The following WAC variants were observed in gnomAD, a reference collection of about 807,000 sequenced individuals.
The protein encoded by WAC is WW domain containing adaptor with coiled-coil.
A neutral mutation model predicts 79.6 loss-of-function variants in WAC; 11 were observed. The observed-to-expected ratio is 0.14, with a 90% CI of 0.09 to 0.23. The LOEUF is 0.23. Ranked by LOEUF, WAC falls within the 10% of genes least tolerant of loss-of-function variation. The pLI, the probability that WAC is intolerant of heterozygous loss-of-function variation, is 1.00. For missense variants in WAC, 728 were observed against 773.5 expected (o/e 0.94, Z 0.70); for synonymous variants, 304 against 276.9 (o/e 1.10, Z -0.97).
intron 3 of WAC, among the ~76,000 whole-genome samples, chr10:28,537,881 A>G (rs1027897360): frequency 6.6e-6 from 1 of 152,144 alleles, no homozygotes; most frequent in Non-Finnish European, 1.5e-5. Context: ...CTTCATTTGC[A>G]AGAAACTTGA....
intron 3 of WAC, among the ~76,000 whole-genome samples, chr10:28,564,218 TTG>T (rs1838471067): frequency 6.6e-6 from 1 of 152,084 alleles, no homozygotes; most frequent in Non-Finnish European, 1.5e-5. Context: ...TGAGCCAAGA[TTG>T]TGCCACTGCA....
intron 3 of WAC, 79 bp from the exon 4 acceptor site, chr10:28,583,320 C>A (rs1839636286): frequency 2.0e-6 from 2 of 1,003,206 alleles, no homozygotes; most frequent in Non-Finnish European, 2.9e-6. Context: ...AAAATAATAT[C>A]TAGTATGATA....
intron 3 of WAC, among the ~76,000 whole-genome samples, chr10:28,569,805 C>G (rs1045274731): frequency 6.6e-6 from 1 of 152,274 alleles, no homozygotes; most frequent in African/African-American, 2.4e-5. Flanking sequence ...ATCTTTAGTA[C>G]AGTACTTTAT....
At chr10:28,600,500 A>G (rs183213295) in intron 7 of WAC, among the ~76,000 whole-genome samples, 1 of 152,234 alleles carries the variant, frequency 6.6e-6, no homozygotes, top group East Asian at 1.9e-4. Flanking sequence ...TATTCATGAA[A>G]AGTTAGAAAG....
intron 9 of WAC, chr10:28,611,217 G>A: frequency 7.9e-7 from 1 of 1,261,944 alleles, no homozygotes; most frequent in Non-Finnish European, 1.0e-6. Context: ...TTTTTTGACT[G>A]GATAATATGG....
intron 10 of WAC, among the ~76,000 whole-genome samples, chr10:28,614,175 C>T (rs1010435428): frequency 4.6e-5 from 7 of 151,924 alleles, no homozygotes; most frequent in Non-Finnish European, 8.8e-5. Context: ...GCGCGATCTC[C>T]GCTCACTGCA....
chr10:28,533,657 G>GC, intron 1 of WAC, 37 bp downstream of exon 1: 6 of 1,570,664 alleles, frequency 3.8e-6, no homozygotes, highest in Admixed American at 1.8e-5. Flanking sequence ...GGCGGCGGCG[G>GC]GGGGCGGCGG....
Position 28,619,871 on chromosome 10 carries a change from C to A in WAC, c.*265C>A. 3.6e-6 allele frequency: 1 copy of A among 279,154 alleles called. No homozygotes were observed. Among genetic ancestry groups the A allele is most frequent in the East Asian group, 7.0e-5 (1 of 14,220 alleles). 17.3% of individuals were successfully genotyped at this position (279,154 alleles called of 1,614,324 possible). On this transcript the variant is annotated 3_prime_UTR_variant, in exon 14 of 14. Coordinates refer to ENST00000354911, the MANE Select transcript of WAC (RefSeq NM_016628.5). ...TGAAGCCATGGGAAGCCATGTGTAA[C>A]AGAGCTTAGACATCCAAAACTAATC...
At chr10:28,598,023 C>T (rs1409462215) in intron 7 of WAC, among the ~76,000 whole-genome samples, 2 of 152,212 alleles carry the variant, frequency 1.3e-5, no homozygotes, top group African/African-American at 2.4e-5. Context: ...TGGCCTTGGC[C>T]TCCCAACGTG....
chr10:28,602,206 AG>A (rs1840678350), intron 7 of WAC, among the ~76,000 whole-genome samples: 1 of 152,218 alleles, frequency 6.6e-6, no homozygotes, highest in Non-Finnish European at 1.5e-5. Flanking sequence ...TCTTGCTAGT[AG>A]GGGATGTCAC....
rs1836464000 is a variant in WAC at position 28,534,023 on chromosome 10, C to G, written c.67C>G (p.Gln23Glu). Residue 23 changes from glutamine to glutamate, a missense_variant, in exon 2 of 14, where the codon CAG (glutamine) becomes GAG (glutamate). By Grantham distance (29) the Gln-to-Glu change is conservative. Transcript: ENST00000354911. ...DGCHDRRGDS[Q>E]PYQALKYSSK... is the part of the protein sequence containing the mutation. ...CTGTCACGACCGGAGGGGGGACTCG[C>G]AGCCTTACCAGGTACCAGCCGAGGC... 2 of 1,591,466 alleles carry G rather than the reference C, an allele frequency of 1.3e-6. No homozygotes were observed. The highest frequency in any genetic ancestry group is 2.8e-5 in the African/African-American group (2 of 71,884).
intron 7 of WAC, among the ~76,000 whole-genome samples, chr10:28,606,742 CTT>C (rs1284037654): frequency 6.6e-6 from 1 of 152,152 alleles, no homozygotes; most frequent in Non-Finnish European, 1.5e-5. Flanking sequence ...TTGTGATAGT[CTT>C]TGAATTTTCT....
At chr10:28,557,855 A>G (rs553425586) in intron 3 of WAC, among the ~76,000 whole-genome samples, 2 of 152,148 alleles carry the variant, frequency 1.3e-5, no homozygotes, top group Non-Finnish European at 2.9e-5. Context: ...TGGGTGGATC[A>G]TGAGGTCAGG....
At chr10:28,555,799 A>C (rs1357325483) in intron 3 of WAC, among the ~76,000 whole-genome samples, 2 of 152,174 alleles carry the variant, frequency 1.3e-5, no homozygotes, top group African/African-American at 4.8e-5. Context: ...TAAGAAGAGG[A>C]AAAGAGACCT....
At chr10:28,619,453 T>A (rs999857580) in intron 13 of WAC, 84 bp from the exon 14 acceptor site, 3 of 1,030,172 alleles carry the variant, frequency 2.9e-6, no homozygotes, top group Non-Finnish European at 4.1e-6. Flanking sequence ...TGTTTTAATT[T>A]AAAAAATTTT....
intron 12 of WAC, among the ~76,000 whole-genome samples, chr10:28,616,812 T>G (rs1257552472): frequency 6.6e-6 from 1 of 152,242 alleles, no homozygotes; most frequent in East Asian, 1.9e-4. Context: ...GCGCAGTGGC[T>G]CATACCTGTA....
chr10:28,534,245 G>A (rs747075705), intron 2 of WAC: 9 of 450,898 alleles, frequency 2.0e-5, no homozygotes, highest in Admixed American at 4.2e-5. Context: ...TGACTGGAGG[G>A]AGTTCGCTGA....
chr10:28,569,365 CTTTGTT>C (rs1249880243), intron 3 of WAC, among the ~76,000 whole-genome samples: 1 of 152,074 alleles, frequency 6.6e-6, no homozygotes, highest in Non-Finnish European at 1.5e-5. Context: ...GTTGTTAATG[CTTTGTT>C]GGAAATCTGT....
At chr10:28,619,303 T>G (rs930124246) in intron 13 of WAC, among the ~76,000 whole-genome samples, 6 of 152,116 alleles carry the variant, frequency 3.9e-5, no homozygotes, top group African/African-American at 7.2e-5. Flanking sequence ...AAATAAAAAG[T>G]TGTTTGAAAA....
Sources: gnomAD v4.1 joint callset for allele counts (sites outside exome capture counted in the v4.1 genomes callset) on GRCh38, gnomAD v4.1.1 for gene constraint, MANE v1.5 for transcripts, NCBI Gene and HGNC (gene_info 2026-07-23, HGNC 2026-07-21) for gene names.